Variants in CPED1 observed in about 807,000 individuals in gnomAD.
CPED1 encodes cadherin like and PC-esterase domain containing 1.
In CPED1, 114 loss-of-function variants were observed where a neutral mutation model predicts 128.2. The ratio of observed to expected loss-of-function variants is 0.89; its 90% CI spans 0.76 to 1.04. The LOEUF is 1.04. Ranked by LOEUF, CPED1 falls within the 50% of genes least tolerant of loss-of-function variation. The pLI is 0.00. For synonymous variants in CPED1, 462 were observed against 426.7 expected, an observed-to-expected ratio of 1.08 and a Z score of -1.02; for missense variants, 1,211 against 1,207.1, an observed-to-expected ratio of 1.00 and a Z score of -0.05.
At chr7:121,201,855 C>T (rs186957569) in intron 16 of CPED1, among the ~76,000 whole-genome samples, 17 of 152,154 alleles carry the variant, frequency 1.1e-4, no homozygotes, top group African/African-American at 3.1e-4. Flanking sequence ...AGCCTGAACA[C>T]GAAAGAAGAG....
chr7:121,182,848 G>A (rs1005919006), intron 16 of CPED1, among the ~76,000 whole-genome samples: 2 of 152,028 alleles, frequency 1.3e-5, no homozygotes, highest in African/African-American at 4.8e-5. Context: ...AAGCTTCTAT[G>A]TAGCTTGAGG....
At chr7:121,224,469 T>C (rs548712362) in intron 16 of CPED1, among the ~76,000 whole-genome samples, 7 of 152,282 alleles carry the variant, frequency 4.6e-5, no homozygotes, top group South Asian at 4.1e-4. Flanking sequence ...TAGATGTCTG[T>C]TAGTTCTGCT....
chr7:121,038,429 T>G (rs953058180), intron 3 of CPED1, among the ~76,000 whole-genome samples: 2 of 152,118 alleles, frequency 1.3e-5, no homozygotes, highest in African/African-American at 4.8e-5. Flanking sequence ...TAAAAAGTAA[T>G]TATTTTTACC....
At position 121,130,241 on chromosome 7, in the gene CPED1, A is replaced by G. The variant is rs1443682121; in HGVS notation, c.1524A>G (p.Val508=). The change falls in exon 12 of 23, where the codon GTA becomes GTG. Residue 508 remains valine (V), a synonymous_variant. Transcript: ENST00000310396. ...VLTQYWSLLN[V]FEQFQFMNKK... is the part of the protein sequence containing the mutation. Reference sequence around the variant, plus strand: ...CCCAATACTGGTCTCTTTTAAATGTATTTGAACAATTTCAGTTCATGAATA... The same window carrying G: ...CCCAATACTGGTCTCTTTTAAATGTGTTTGAACAATTTCAGTTCATGAATA... 1 of 1,610,290 alleles carries G rather than the reference A, an allele frequency of 6.2e-7. No individual in the cohort carries two copies. Among genetic ancestry groups the G allele is most frequent in the South Asian group, 1.1e-5 (1 of 90,350 alleles).
At chr7:121,259,368 C>T (rs907539697) in intron 18 of CPED1, among the ~76,000 whole-genome samples, 8 of 151,940 alleles carry the variant, frequency 5.3e-5, no homozygotes, top group African/African-American at 1.9e-4. Context: ...AACAAGTTTT[C>T]CCCCTCTGAA....
Position 121,244,348 on chromosome 7 carries a change from G to C in CPED1, c.2310+10G>C. 1 of 1,613,948 alleles carries C rather than the reference G, an allele frequency of 6.2e-7. No homozygotes were observed. The stretch of plus-strand genomic sequence containing the variant: ...CCTGGGAGGAAGGAAGGTAGGTTCT[G>C]GATCTAGTGGGGGAAGCCTTTAATG... On this transcript the variant is annotated intron_variant, in intron 18 of 22. Transcript: ENST00000310396.
intron 16 of CPED1, among the ~76,000 whole-genome samples, chr7:121,228,463 CTA>C (rs1396236054): frequency 6.7e-6 from 1 of 150,322 alleles, no homozygotes; most frequent in South Asian, 2.1e-4. Context: ...GTCAGAATGA[CTA>C]TTATTAAAAA....
chr7:121,204,549 G>C (rs1797474300), intron 16 of CPED1, among the ~76,000 whole-genome samples: 1 of 152,142 alleles, frequency 6.6e-6, no homozygotes, highest in African/African-American at 2.4e-5. Flanking sequence ...TCTCCAGAAT[G>C]ATGGGCAGAG....
Position 121,047,715 on chromosome 7 carries a change from C to CTTTTTTT in CPED1, c.540+729_540+735dup, listed in dbSNP as rs530980600. ...TCTTCTTCTTCTTCTTCTTCTTCTT[C>CTTTTTTT]TTTTTTTTTTTTTGAGACGTAATCT... On this transcript the variant is annotated intron_variant, in intron 4 of 22. Transcript: ENST00000310396. Among the ~76,000 whole-genome samples the CTTTTTTT allele has an allele frequency of 1.8e-3, 135 of 76,028 alleles. 5 individuals are homozygous for CTTTTTTT. The highest frequency in any genetic ancestry group is 7.6e-3 in the African/African-American group (132 of 17,340). The allele number at this position is 76,028 out of a possible 152,430, so 49.9% of individuals were successfully genotyped here.
chr7:121,085,031 A>G (rs551155779), intron 5 of CPED1, among the ~76,000 whole-genome samples: 1 of 151,590 alleles, frequency 6.6e-6, no homozygotes, highest in Admixed American at 6.6e-5. Context: ...ATCACTTCCT[A>G]TGTATTCATA....
intron 5 of CPED1, among the ~76,000 whole-genome samples, chr7:121,085,202 G>C (rs1014501313): frequency 2.0e-5 from 3 of 152,158 alleles, no homozygotes; most frequent in Non-Finnish European, 4.4e-5. Flanking sequence ...TGCTGCAGCT[G>C]CCTGTGTCTG....
intron 18 of CPED1, among the ~76,000 whole-genome samples, chr7:121,262,528 T>G (rs781427502): frequency 3.3e-4 from 50 of 152,166 alleles, no homozygotes; most frequent in Middle Eastern, 3.4e-3. Flanking sequence ...AAACATGTCT[T>G]TGTGTTTAAA....
chr7:121,292,300 T>C (rs1012385386), intron 22 of CPED1, among the ~76,000 whole-genome samples: 1 of 151,812 alleles, frequency 6.6e-6, no homozygotes, highest in African/African-American at 2.4e-5. Context: ...TTCTGCTTGA[T>C]TGATTCGGTT....
At chr7:121,035,533 T>A (rs1437393976) in intron 3 of CPED1, among the ~76,000 whole-genome samples, 1 of 151,980 alleles carries the variant, frequency 6.6e-6, no homozygotes, top group Non-Finnish European at 1.5e-5. Flanking sequence ...ATAGCTTTGA[T>A]GATTAAAAGA....
intron 21 of CPED1, among the ~76,000 whole-genome samples, chr7:121,270,498 A>G (rs959763274): frequency 6.6e-6 from 1 of 152,066 alleles, no homozygotes; most frequent in African/African-American, 2.4e-5. Flanking sequence ...GTTTTCTCCT[A>G]GGATTTTTAT....
At chr7:121,010,542 C>G (rs573015536) in intron 2 of CPED1, among the ~76,000 whole-genome samples, 2 of 152,194 alleles carry the variant, frequency 1.3e-5, no homozygotes, top group Non-Finnish European at 2.9e-5. Flanking sequence ...AGCCACCACG[C>G]CCTGCAGGAA....
chr7:121,021,697 G>A (rs560708608), intron 3 of CPED1, among the ~76,000 whole-genome samples: 3 of 152,012 alleles, frequency 2.0e-5, no homozygotes, highest in Non-Finnish European at 4.4e-5. Flanking sequence ...ATAACCCTGG[G>A]CAAGTAACTT....
At chr7:121,207,883 A>G (rs1797555872) in intron 16 of CPED1, among the ~76,000 whole-genome samples, 1 of 151,942 alleles carries the variant, frequency 6.6e-6, no homozygotes, top group Admixed American at 6.6e-5. Flanking sequence ...AAGATTTCCA[A>G]CTTATCCTAG....
intron 16 of CPED1, among the ~76,000 whole-genome samples, chr7:121,232,631 G>A (rs1798163848): frequency 6.6e-6 from 1 of 152,096 alleles, no homozygotes; most frequent in Non-Finnish European, 1.5e-5. Flanking sequence ...GCCCTAGTCT[G>A]GAAGGGAACT....
Sources: gnomAD v4.1 joint callset for allele counts (sites outside exome capture counted in the v4.1 genomes callset) on GRCh38, gnomAD v4.1.1 for gene constraint, MANE v1.5 for transcripts, NCBI Gene and HGNC (gene_info 2026-07-23, HGNC 2026-07-21) for gene names.